KCNMB2: variants seen among roughly 807,000 people sequenced by gnomAD.
KCNMB2 encodes the protein calcium-activated potassium channel subunit beta-2.
In KCNMB2, 9 loss-of-function variants were observed where a neutral mutation model predicts 24.5. That is an observed-to-expected ratio of 0.37 (90% CI 0.22 to 0.64). KCNMB2 has a LOEUF of 0.64. Among genes scored for constraint, KCNMB2 ranks in the 30% least tolerant of loss-of-function variants. KCNMB2 has a pLI of 0.63. For missense variants in KCNMB2, 226 were observed against 284.3 expected, an observed-to-expected ratio of 0.79 and a Z score of 1.47; for synonymous variants, 109 against 104.4, an observed-to-expected ratio of 1.04 and a Z score of -0.27.
chr3:178,765,878 A>C (rs1050364287), intron 1 of KCNMB2, among the ~76,000 whole-genome samples: 1 of 152,168 alleles, frequency 6.6e-6, no homozygotes, highest in African/African-American at 2.4e-5. Flanking sequence ...CTTTGCTCTT[A>C]CTTCTACCAG....
At chr3:178,811,936 G>T in intron 2 of KCNMB2, among the ~76,000 whole-genome samples, 1 of 151,908 alleles carries the variant, frequency 6.6e-6, no homozygotes, top group Non-Finnish European at 1.5e-5. Flanking sequence ...TTCCTTAGTC[G>T]TTTTTTCTGA....
At chr3:178,628,755 C>T (rs1047669923) in intron 1 of KCNMB2, among the ~76,000 whole-genome samples, 1 of 152,094 alleles carries the variant, frequency 6.6e-6, no homozygotes, top group African/African-American at 2.4e-5. Context: ...AAGGGAAAAT[C>T]ATTCTTAAAA....
intron 1 of KCNMB2, among the ~76,000 whole-genome samples, chr3:178,599,550 C>T (rs1184945395): frequency 6.6e-6 from 1 of 152,102 alleles, no homozygotes; most frequent in Non-Finnish European, 1.5e-5. Context: ...GCACACTCAT[C>T]CTTACACATG....
At chr3:178,805,879 C>G (rs1353168162) in intron 1 of KCNMB2, among the ~76,000 whole-genome samples, 1 of 152,098 alleles carries the variant, frequency 6.6e-6, no homozygotes, top group Non-Finnish European at 1.5e-5. Context: ...CTCAAGCGAT[C>G]CTCCCTACTA....
chr3:178,732,666 T>C (rs890879795), intron 1 of KCNMB2, among the ~76,000 whole-genome samples: 1 of 152,236 alleles, frequency 6.6e-6, no homozygotes, highest in Non-Finnish European at 1.5e-5. Context: ...GTTATAATGA[T>C]GTTGCCCTGA....
At chr3:178,675,278 G>T (rs1215965062) in intron 1 of KCNMB2, among the ~76,000 whole-genome samples, 1 of 152,164 alleles carries the variant, frequency 6.6e-6, no homozygotes, top group Non-Finnish European at 1.5e-5. Context: ...TTAAATTACT[G>T]AATAGTAAAC....
chr3:178,599,822 G>C (rs1718014875), intron 1 of KCNMB2, among the ~76,000 whole-genome samples: 1 of 152,038 alleles, frequency 6.6e-6, no homozygotes, highest in Non-Finnish European at 1.5e-5. Context: ...CTATGAATTT[G>C]ACTAATCTAG....
chr3:178,681,421 C>A (rs960501097), intron 1 of KCNMB2, among the ~76,000 whole-genome samples: 6 of 152,148 alleles, frequency 3.9e-5, no homozygotes, highest in African/African-American at 7.2e-5. Context: ...CCCCAAAAAA[C>A]AATGGGCCTA....
chr3:178,645,089 T>C (rs1289973167), intron 1 of KCNMB2, among the ~76,000 whole-genome samples: 1 of 147,792 alleles, frequency 6.8e-6, no homozygotes, highest in Non-Finnish European at 1.5e-5. Context: ...TTGCTCTTGT[T>C]GCCCAGACTG....
chr3:178,680,613 A>C (rs1428007863), intron 1 of KCNMB2, among the ~76,000 whole-genome samples: 2 of 152,076 alleles, frequency 1.3e-5, no homozygotes, highest in Non-Finnish European at 2.9e-5. Flanking sequence ...GAAGCTACTG[A>C]GGTCATGTCT....
At chr3:178,717,202 AGTT>A (rs1722645984) in intron 1 of KCNMB2, among the ~76,000 whole-genome samples, 2 of 152,164 alleles carry the variant, frequency 1.3e-5, no homozygotes, top group African/African-American at 2.4e-5. Flanking sequence ...CTTCATATCT[AGTT>A]TGGCCTGGGC....
At chr3:178,624,083 C>T (rs1577056334) in intron 1 of KCNMB2, among the ~76,000 whole-genome samples, 1 of 152,152 alleles carries the variant, frequency 6.6e-6, no homozygotes, top group Non-Finnish European at 1.5e-5. Context: ...AATTCCCAGG[C>T]GGTTAGCTAA....
intron 1 of KCNMB2, among the ~76,000 whole-genome samples, chr3:178,661,406 T>G (rs1720525946): frequency 6.6e-6 from 1 of 152,136 alleles, no homozygotes; most frequent in Admixed American, 6.6e-5. Context: ...TCTTGGTTGG[T>G]TCTAAGTCTT....
At chr3:178,780,327 G>A (rs1577181936) in intron 1 of KCNMB2, among the ~76,000 whole-genome samples, 1 of 152,104 alleles carries the variant, frequency 6.6e-6, no homozygotes, top group East Asian at 1.9e-4. Flanking sequence ...TAGGAACAAT[G>A]CTGGCATTTT....
chr3:178,733,260 C>T (rs1290010668), intron 1 of KCNMB2, among the ~76,000 whole-genome samples: 1 of 152,056 alleles, frequency 6.6e-6, no homozygotes, highest in Non-Finnish European at 1.5e-5. Flanking sequence ...GGTCCTGAGG[C>T]AGGACATCAC....
At chr3:178,596,599 T>C (rs552846365) in intron 1 of KCNMB2, among the ~76,000 whole-genome samples, 42 of 152,194 alleles carry the variant, frequency 2.8e-4, no homozygotes, top group African/African-American at 9.4e-4. Context: ...CTTCATCCTC[T>C]GGATGAGATT....
At chr3:178,662,283 CA>C (rs1386230667) in intron 1 of KCNMB2, among the ~76,000 whole-genome samples, 1 of 152,022 alleles carries the variant, frequency 6.6e-6, no homozygotes, top group African/African-American at 2.4e-5. Context: ...CAGCTTTATC[CA>C]ACATCAAAAA....
At chr3:178,757,787 C>A (rs866320996) in intron 1 of KCNMB2, among the ~76,000 whole-genome samples, 1 of 76,336 alleles carries the variant, frequency 1.3e-5, no homozygotes. Context: ...GATATATATA[C>A]ATATATCTTA....
At chr3:178,550,457 CA>C (rs71671909) in intron 1 of KCNMB2, among the ~76,000 whole-genome samples, 2,093 of 45,834 alleles carry the variant, frequency 0.046, 6 homozygotes, top group African/African-American at 0.13. Context: ...GACTCCGTCT[CA>C]AAAAAAAAAA....
Sources: gnomAD v4.1 joint callset for allele counts (sites outside exome capture counted in the v4.1 genomes callset) on GRCh38, gnomAD v4.1.1 for gene constraint, MANE v1.5 for transcripts, NCBI Gene and HGNC (gene_info 2026-07-23, HGNC 2026-07-21) for gene names.